SUCO: variants seen among roughly 807,000 people sequenced by gnomAD.
SUCO encodes SUN domain containing ossification factor, also known as SUN domain-containing ossification factor.
A neutral mutation model predicts 148.1 loss-of-function variants in SUCO; 57 were observed. The observed-to-expected ratio is 0.38, with a 90% CI of 0.31 to 0.48. The LOEUF (loss-of-function observed/expected upper bound fraction) is 0.48. SUCO is among the 20% of genes least tolerant of loss of function. The probability of loss-of-function intolerance (pLI) is 0.96; values close to 1 mark genes in which losing one functional copy is unlikely to be tolerated. For missense variants in SUCO, 1,331 were observed against 1,468.2 expected, an observed-to-expected ratio of 0.91 and a Z score of 1.53; for synonymous variants, 470 against 502.7, an observed-to-expected ratio of 0.93 and a Z score of 0.87.
chr1:172,576,348 C>G (rs1345394835), intron 11 of SUCO, among the ~76,000 whole-genome samples: 1 of 151,612 alleles, frequency 6.6e-6, no homozygotes. Context: ...AATGTGAGAA[C>G]TTATAGCTAC....
intron 19 of SUCO, among the ~76,000 whole-genome samples, chr1:172,595,031 T>C (rs999721246): frequency 6.6e-6 from 1 of 152,238 alleles, no homozygotes; most frequent in Non-Finnish European, 1.5e-5. Flanking sequence ...CCTTTACCAT[T>C]ATGTAATGGC....
chr1:172,587,229 T>G (rs1036434838), intron 17 of SUCO, among the ~76,000 whole-genome samples: 1 of 152,108 alleles, frequency 6.6e-6, no homozygotes, highest in African/African-American at 2.4e-5. Flanking sequence ...TCTTCATGTT[T>G]GTCTTAAATT....
chr1:172,532,532 C>T, upstream of SUCO: 3 of 1,613,798 alleles, frequency 1.9e-6, no homozygotes, highest in South Asian at 3.3e-5. Flanking sequence ...CTCAATGGGG[C>T]AGTCCATTGC....
intron 15 of SUCO, among the ~76,000 whole-genome samples, chr1:172,582,757 C>T (rs1196594152): frequency 2.0e-5 from 3 of 152,028 alleles, no homozygotes; most frequent in African/African-American, 2.4e-5. Context: ...GTTCTGTAAA[C>T]ATGGGAAAAT....
chr1:172,533,636 C>A, intron 1 of SUCO, 139 bp downstream of exon 1: 1 of 1,104,994 alleles, frequency 9.0e-7, no homozygotes, highest in Non-Finnish European at 1.3e-6. Flanking sequence ...CCGATTACTT[C>A]TCGACTCTCC....
At chr1:172,572,220 C>T (rs976815527) in intron 9 of SUCO, among the ~76,000 whole-genome samples, 3 of 148,974 alleles carry the variant, frequency 2.0e-5, no homozygotes, top group Non-Finnish European at 4.5e-5. Flanking sequence ...TCATTGAGAA[C>T]GGACCATGAT....
chr1:172,542,785 A>G (rs752241676), intron 1 of SUCO: 8 of 985,464 alleles, frequency 8.1e-6, no homozygotes, highest in Non-Finnish European at 9.6e-6. Context: ...GAAAGGTGCC[A>G]AGCATAGTAA....
chr1:172,539,502 AAAG>A (rs1258645503), intron 1 of SUCO, among the ~76,000 whole-genome samples: 2 of 108,474 alleles, frequency 1.8e-5, no homozygotes, highest in Non-Finnish European at 3.9e-5. Flanking sequence ...AGTTTTTTTG[AAAG>A]AAGATTTGGT....
At chr1:172,532,598 A>G (rs761160270), upstream of SUCO, 1 of 1,614,022 alleles carries the variant, frequency 6.2e-7, no homozygotes, top group Admixed American at 1.7e-5. Context: ...ATTCTAGGCC[A>G]TTCCACGAAC....
At chr1:172,588,680 A>AT in intron 17 of SUCO, 80 bp from the exon 18 acceptor site, 1 of 1,292,608 alleles carries the variant, frequency 7.7e-7, no homozygotes, top group African/African-American at 1.5e-5. Context: ...TTCTGTATGG[A>AT]TACATTTATT....
chr1:172,552,914 ATGTC>A (rs1397170564), intron 2 of SUCO, among the ~76,000 whole-genome samples: 1 of 152,094 alleles, frequency 6.6e-6, no homozygotes, highest in African/African-American at 2.4e-5. Flanking sequence ...ACTTGAATGT[ATGTC>A]AAAAAAGAGA....
At chr1:172,579,792 C>A (rs1655740327) in intron 15 of SUCO, among the ~76,000 whole-genome samples, 1 of 152,040 alleles carries the variant, frequency 6.6e-6, no homozygotes, top group African/African-American at 2.4e-5. Context: ...ACTAAGGAGA[C>A]TACTAGAAAG....
rs1343604547 is a variant in SUCO at position 172,610,818 on chromosome 1, G to A, written c.*559G>A. On this transcript the variant is annotated 3_prime_UTR_variant, in exon 24 of 24. Coordinates refer to ENST00000263688, the MANE Select transcript of SUCO (RefSeq NM_014283.5). ...AACTTGCCAACTGGATCTTTGTTTA[G>A]CAAACTCACTGGAAATGAACACTTA... 6.6e-6 allele frequency: 1 copy of A among 152,574 alleles called. No homozygotes were observed. The highest frequency in any genetic ancestry group is 1.5e-5 in the Non-Finnish European group (1 of 68,034). 9.5% of individuals were successfully genotyped at this position (152,574 alleles called of 1,614,324 possible). A position where few individuals can be genotyped will look rare whatever the true frequency, so the allele number is the denominator to read the frequency against.
intron 1 of SUCO, among the ~76,000 whole-genome samples, chr1:172,538,190 G>A (rs570326765): frequency 9.8e-5 from 15 of 152,294 alleles, no homozygotes; most frequent in African/African-American, 3.4e-4. Flanking sequence ...GAATGTAGGG[G>A]ACGTACTTTG....
intron 1 of SUCO, among the ~76,000 whole-genome samples, chr1:172,549,453 T>TA (rs907364257): frequency 1.3e-5 from 2 of 151,968 alleles, no homozygotes; most frequent in African/African-American, 4.8e-5. Context: ...GATAGTATGA[T>TA]AAAAAACAAT....
chr1:172,545,689 T>C (rs1166844591), intron 1 of SUCO, among the ~76,000 whole-genome samples: 1 of 152,092 alleles, frequency 6.6e-6, no homozygotes, highest in African/African-American at 2.4e-5. Context: ...AACATTGAGA[T>C]TACAAGTATA....
intron 6 of SUCO, chr1:172,568,512 A>C: frequency 1.1e-6 from 1 of 870,824 alleles, no homozygotes; most frequent in Non-Finnish European, 1.4e-6. Flanking sequence ...AAGATTTTTA[A>C]ATTTTCTTCT....
chr1:172,567,371 A>G (rs1654626298), intron 6 of SUCO, among the ~76,000 whole-genome samples: 1 of 152,244 alleles, frequency 6.6e-6, no homozygotes, highest in Non-Finnish European at 1.5e-5. Context: ...TTAAGAGGAA[A>G]AAAAGTCACA....
intron 4 of SUCO, 138 bp downstream of exon 4, chr1:172,556,161 T>G (rs1653745701): frequency 1.6e-6 from 1 of 628,016 alleles, no homozygotes; most frequent in South Asian, 2.1e-5. Context: ...AGTGCTTGTG[T>G]TTTGTGTGCG....
Sources: gnomAD v4.1 joint callset for allele counts (sites outside exome capture counted in the v4.1 genomes callset) on GRCh38, gnomAD v4.1.1 for gene constraint, MANE v1.5 for transcripts, NCBI Gene and HGNC (gene_info 2026-07-23, HGNC 2026-07-21) for gene names.